The following GRXCR1 variants were observed in gnomAD, a reference collection of about 807,000 sequenced individuals.
GRXCR1 encodes glutaredoxin and cysteine rich domain containing 1.
Under a neutral mutation model 27.3 loss-of-function variants are expected in GRXCR1, and 27 were observed. The ratio of observed to expected loss-of-function variants is 0.99; its 90% CI spans 0.73 to 1.37. The LOEUF is 1.37. Among genes scored for constraint, GRXCR1 ranks in the 40% most tolerant of loss-of-function variants. The pLI, the probability that GRXCR1 is intolerant of heterozygous loss-of-function variation, is 0.00. For synonymous variants in GRXCR1, 122 were observed against 131.1 expected (o/e 0.93, Z 0.47); for missense variants, 379 against 354.4 (o/e 1.07, Z -0.56).
At chr4:42,951,185 G>A (rs1473512111) in intron 1 of GRXCR1, among the ~76,000 whole-genome samples, 1 of 152,196 alleles carries the variant, frequency 6.6e-6, no homozygotes, top group Non-Finnish European at 1.5e-5. Flanking sequence ...GCCAGGTAGA[G>A]AGAAGGCAAA....
At chr4:42,961,527 A>G (rs1171759046) in intron 1 of GRXCR1, among the ~76,000 whole-genome samples, 1 of 151,972 alleles carries the variant, frequency 6.6e-6, no homozygotes, top group Non-Finnish European at 1.5e-5. Flanking sequence ...TAATCTGTGT[A>G]ACATTTCTCT....
intron 1 of GRXCR1, 34 bp downstream of exon 1, chr4:42,893,684 G>T (rs745552081): frequency 1.2e-6 from 2 of 1,602,910 alleles, no homozygotes; most frequent in East Asian, 2.2e-5. Context: ...CCTGCTCTTT[G>T]TTCCTAACTC....
At chr4:42,914,775 A>G (rs190690557) in intron 1 of GRXCR1, among the ~76,000 whole-genome samples, 74 of 152,262 alleles carry the variant, frequency 4.9e-4, no homozygotes, top group African/African-American at 1.7e-3. Context: ...TTGGCAGCAT[A>G]TATAATAATC....
intron 2 of GRXCR1, among the ~76,000 whole-genome samples, chr4:42,992,544 A>C (rs1252167047): frequency 1.3e-5 from 2 of 152,122 alleles, no homozygotes; most frequent in African/African-American, 4.8e-5. Context: ...TCTTGCTTAG[A>C]ACTCCAGTGT....
intron 1 of GRXCR1, among the ~76,000 whole-genome samples, chr4:42,911,232 A>G (rs748183276): frequency 6.6e-6 from 1 of 152,212 alleles, no homozygotes; most frequent in African/African-American, 2.4e-5. Flanking sequence ...GGAAAATCCA[A>G]TCTAATTTTA....
intron 1 of GRXCR1, among the ~76,000 whole-genome samples, chr4:42,961,655 T>C (rs996750118): frequency 9.2e-5 from 14 of 151,972 alleles, no homozygotes; most frequent in African/African-American, 3.1e-4. Flanking sequence ...ACCTCTACAC[T>C]CTATTGTGGA....
chr4:42,960,432 G>A (rs1304619164), intron 1 of GRXCR1, among the ~76,000 whole-genome samples: 1 of 151,864 alleles, frequency 6.6e-6, no homozygotes, highest in Non-Finnish European at 1.5e-5. Context: ...TGAAGAGGAG[G>A]TATAGACCCT....
Position 42,987,221 on chromosome 4 carries a change from A to AC in GRXCR1, c.627+24087_627+24088insC, listed in dbSNP as rs1711770000. On this transcript the variant is annotated intron_variant, in intron 2 of 3. Coordinates refer to ENST00000399770, the MANE Select transcript of GRXCR1 (RefSeq NM_001080476.3). ...GTTTTCATATATATATTATATATAT[A>AC]TTATATATTATATATATATAATATA... Among the ~76,000 whole-genome samples, 4 of 39,934 alleles carry AC rather than the reference A, an allele frequency of 1.0e-4. 1 individual carries two copies. Among genetic ancestry groups the AC allele is most frequent in the Non-Finnish European group, 9.0e-5 (2 of 22,244 alleles). The allele number at this position is 39,934 out of a possible 152,430, so 26.2% of individuals were successfully genotyped here. A position where few individuals can be genotyped will look rare whatever the true frequency, so the allele number is the denominator to read the frequency against.
chr4:42,981,054 C>T (rs1425673190), intron 2 of GRXCR1, among the ~76,000 whole-genome samples: 2 of 151,112 alleles, frequency 1.3e-5, no homozygotes, highest in African/African-American at 4.9e-5. Flanking sequence ...AATACTACTG[C>T]CATTTTGCAA....
chr4:42,979,084 C>T (rs1342293352), intron 2 of GRXCR1, among the ~76,000 whole-genome samples: 1 of 151,718 alleles, frequency 6.6e-6, no homozygotes, highest in East Asian at 1.9e-4. Flanking sequence ...CCTCTCTCTC[C>T]TTTATAAACC....
chr4:42,981,415 C>T (rs1748665487), intron 2 of GRXCR1, among the ~76,000 whole-genome samples: 1 of 152,006 alleles, frequency 6.6e-6, no homozygotes, highest in South Asian at 2.1e-4. Context: ...ATTATGGTAG[C>T]TTTTATGAAT....
chr4:42,960,793 A>G (rs1288885193), intron 1 of GRXCR1, among the ~76,000 whole-genome samples: 1 of 151,878 alleles, frequency 6.6e-6, no homozygotes, highest in Non-Finnish European at 1.5e-5. Flanking sequence ...GGCCAGTGGC[A>G]GAGCTCAGGT....
chr4:42,929,707 G>A (rs1436429977), intron 1 of GRXCR1, among the ~76,000 whole-genome samples: 2 of 151,864 alleles, frequency 1.3e-5, no homozygotes. Context: ...CTAATTTCAT[G>A]TAGTATTCAA....
intron 1 of GRXCR1, among the ~76,000 whole-genome samples, chr4:42,895,779 T>C (rs1353135543): frequency 6.6e-6 from 1 of 152,096 alleles, no homozygotes; most frequent in Non-Finnish European, 1.5e-5. Flanking sequence ...AGGATGATAG[T>C]GTATATTCCC....
At chr4:42,982,980 G>GAAAATT (rs1303789488) in intron 2 of GRXCR1, among the ~76,000 whole-genome samples, 1 of 151,844 alleles carries the variant, frequency 6.6e-6, no homozygotes, top group Non-Finnish European at 1.5e-5. Flanking sequence ...AGTAGGTTGC[G>GAAAATT]AAAATTTTCT....
intron 2 of GRXCR1, among the ~76,000 whole-genome samples, chr4:42,983,128 C>T (rs1711542385): frequency 6.6e-6 from 1 of 150,406 alleles, no homozygotes; most frequent in African/African-American, 2.4e-5. Context: ...GAAGTCCTTG[C>T]CCATGCCTAT....
At position 42,949,352 on chromosome 4, in the gene GRXCR1, C is replaced by T. The variant is rs541915916; in HGVS notation, c.385-13540C>T. 8.7e-3 allele frequency among the ~76,000 whole-genome samples: 372 copies of T among 42,730 alleles called. 2 individuals are homozygous for T. The highest frequency in any genetic ancestry group is 0.017 in the Admixed American group (48 of 2,768). 28.0% of individuals were successfully genotyped at this position (42,730 alleles called of 152,430 possible). A position where few individuals can be genotyped will look rare whatever the true frequency, so the allele number is the denominator to read the frequency against. Reference sequence around the variant, plus strand: ...GCCTGGCCACAGACCAAGACTCCATCTCAAAAAAAAAAAAAAAAAAAAAAC... The same window carrying T: ...GCCTGGCCACAGACCAAGACTCCATTTCAAAAAAAAAAAAAAAAAAAAAAC... On this transcript the variant is annotated intron_variant, in intron 1 of 3. Coordinates refer to ENST00000399770, the MANE Select transcript of GRXCR1 (RefSeq NM_001080476.3).
intron 2 of GRXCR1, among the ~76,000 whole-genome samples, chr4:43,002,436 A>G (rs991277564): frequency 3.3e-5 from 5 of 152,216 alleles, no homozygotes; most frequent in Admixed American, 3.3e-4. Flanking sequence ...CACGTCCTGC[A>G]CAGCCCTAGA....
chr4:42,983,536 C>T (rs1018193487), intron 2 of GRXCR1, among the ~76,000 whole-genome samples: 26 of 151,298 alleles, frequency 1.7e-4, no homozygotes, highest in South Asian at 6.3e-4. Context: ...CTTGGCGATG[C>T]GGGCTCTTTT....
Sources: allele counts gnomAD v4.1 joint callset (sites outside exome capture counted in the v4.1 genomes callset), GRCh38; gene constraint gnomAD v4.1.1; transcripts MANE v1.5; gene names NCBI Gene and HGNC (gene_info 2026-07-23, HGNC 2026-07-21).